The following LMBRD2 variants were observed in gnomAD, a reference collection of about 807,000 sequenced individuals.
LMBRD2 encodes the protein G protein-coupled receptor-associated protein LMBRD2.
Under a neutral mutation model 94.4 loss-of-function variants are expected in LMBRD2, and 55 were observed. The observed-to-expected ratio is 0.58, with a 90% CI of 0.47 to 0.73. The LOEUF (loss-of-function observed/expected upper bound fraction) is 0.73, where lower values mean the gene tolerates loss of function less well. LMBRD2 is among the 30% of genes least tolerant of loss of function. The pLI, the probability that LMBRD2 is intolerant of heterozygous loss-of-function variation, is 0.00. For synonymous variants in LMBRD2, 246 were observed against 272.4 expected, an observed-to-expected ratio of 0.90 and a Z score of 0.95; for missense variants, 640 against 831.9, an observed-to-expected ratio of 0.77 and a Z score of 2.84.
At chr5:36,112,191 TG>T (rs1425015053) in intron 13 of LMBRD2, among the ~76,000 whole-genome samples, 3 of 152,196 alleles carry the variant, frequency 2.0e-5, no homozygotes, top group Non-Finnish European at 4.4e-5. Flanking sequence ...CATATAAAAA[TG>T]TTTTTTATGC....
At chr5:36,118,012 A>G in intron 9 of LMBRD2, 96 bp from the exon 10 acceptor site, 1 of 985,734 alleles carries the variant, frequency 1.0e-6, no homozygotes, top group Non-Finnish European at 1.5e-6. Flanking sequence ...ATACTTAATT[A>G]CAAAGAGAAA....
chr5:36,138,729 T>G (rs1349296473), intron 4 of LMBRD2, among the ~76,000 whole-genome samples: 1 of 152,208 alleles, frequency 6.6e-6, no homozygotes, highest in African/African-American at 2.4e-5. Context: ...CTAAAAAAAT[T>G]TAGTTGTGAT....
At chr5:36,128,527 CCTGGGCAACATGGTGAAACCCTGT>C (rs1744060598) in intron 6 of LMBRD2, among the ~76,000 whole-genome samples, 1 of 151,988 alleles carries the variant, frequency 6.6e-6, no homozygotes, top group East Asian at 1.9e-4. Flanking sequence ...TTGAGAACAG[CCTGGGCAACATGGTGAAACCCTGT>C]CACTAGAAGA....
chr5:36,116,860 A>C (rs903566203), intron 10 of LMBRD2, among the ~76,000 whole-genome samples: 3 of 151,912 alleles, frequency 2.0e-5, no homozygotes, highest in African/African-American at 7.3e-5. Context: ...TATTTTTAGT[A>C]AGATGGGGTT....
intron 14 of LMBRD2, among the ~76,000 whole-genome samples, chr5:36,110,660 C>T (rs565296710): frequency 3.3e-4 from 50 of 152,118 alleles, no homozygotes; most frequent in African/African-American, 1.1e-3. Context: ...TCCCTCCATG[C>T]TATCATCACT....
chr5:36,149,731 A>AC (rs1744643514), intron 1 of LMBRD2, among the ~76,000 whole-genome samples: 1 of 151,990 alleles, frequency 6.6e-6, no homozygotes, highest in Non-Finnish European at 1.5e-5. Context: ...ACATGCAGAA[A>AC]CCCCGTCTCC....
At chr5:36,105,287 A>G (rs1382756308) in intron 16 of LMBRD2, 90 bp from the exon 17 acceptor site, 44 of 1,149,456 alleles carry the variant, frequency 3.8e-5, no homozygotes, top group Admixed American at 3.1e-4. Flanking sequence ...AAAAATCAAA[A>G]TTCCAAGGAA....
chr5:36,149,648 T>A (rs1181841457), intron 1 of LMBRD2, among the ~76,000 whole-genome samples: 1 of 152,256 alleles, frequency 6.6e-6, no homozygotes, highest in Non-Finnish European at 1.5e-5. Flanking sequence ...GGCTCACGCC[T>A]GTAATCTCAG....
rs536652223 is a variant in LMBRD2 at position 36,103,121 on chromosome 5, C to G, written c.*925G>C. On this transcript the variant is annotated 3_prime_UTR_variant, in exon 18 of 18. Transcript: ENST00000296603. ...TCAGTAATAACAGTAAATGGATTCA[C>G]TTTTTACCTTTGAATAACCAGTTTT... 6 of 152,228 alleles carry G rather than the reference C, an allele frequency of 3.9e-5. No individual in the cohort carries two copies. The South Asian group carries it at 1.2e-3, about 32-fold the overall frequency. The allele number at this position is 152,228 out of a possible 1,614,324, so 9.4% of individuals were successfully genotyped here.
chr5:36,116,485 C>T lies in LMBRD2; in HGVS notation c.1411G>A (p.Ala471Thr), dbSNP rs779339980. 2.5e-6 allele frequency: 4 copies of T among 1,613,114 alleles called. No homozygotes were observed. The Admixed American group carries it at 5.0e-5, about 20-fold the overall frequency. ...ATGCCACTGAAAAGAAGGCTATAAG[C>T]ATCAGTCTGGTGATGTGAGGCCAAA... ...YYLASHHQTD[A>T]YSLLFSGMLF... is the part of the protein sequence containing the mutation. Residue 471 changes from alanine (A) to threonine (T), a missense_variant, in exon 11 of 18, where the codon GCT becomes ACT. By Grantham distance (58) the Ala-to-Thr change is moderately conservative. Around this residue, in one of 2 missense-constraint regions of LMBRD2, gnomAD observed 457 missense variants for 642.8 expected, o/e 0.71. Transcript: ENST00000296603.
chr5:36,123,791 A>C (rs1382805761), intron 7 of LMBRD2, among the ~76,000 whole-genome samples: 1 of 151,186 alleles, frequency 6.6e-6, no homozygotes, highest in East Asian at 1.9e-4. Context: ...TTTATGATAT[A>C]TGTCATGAAT....
chr5:36,122,936 AT>A lies in LMBRD2; in HGVS notation c.847del (p.Met283TrpfsTer25). The A allele has an allele frequency of 2.6e-6, 4 of 1,556,674 alleles. No homozygotes were observed. The highest frequency in any genetic ancestry group is 2.1e-5 in the Admixed American group (1 of 47,134). ...KKCPTEYQEK[M>X]GRNMDDYEDF... ...TTCATAATCATCCATGTTCCTACCC[AT>A]TTTTTCCTGATACTCTGTAGGGCAC... On this transcript the variant is annotated frameshift_variant, in exon 8 of 18. Coordinates refer to ENST00000296603, the MANE Select transcript of LMBRD2 (RefSeq NM_001007527.2). LOFTEE classifies it high-confidence loss of function.
At chr5:36,134,752 C>T (rs915019444) in intron 6 of LMBRD2, among the ~76,000 whole-genome samples, 2 of 152,050 alleles carry the variant, frequency 1.3e-5, no homozygotes, top group African/African-American at 4.8e-5. Context: ...GAACTGTGAG[C>T]CAATATTTTC....
At chr5:36,144,112 C>CATTT (rs1744481547) in intron 1 of LMBRD2, among the ~76,000 whole-genome samples, 1 of 151,966 alleles carries the variant, frequency 6.6e-6, no homozygotes, top group Non-Finnish European at 1.5e-5. Context: ...TAAAGTCATA[C>CATTT]ATTTGAAAAC....
chr5:36,136,260 G>T, intron 6 of LMBRD2, 49 bp downstream of exon 6: 11 of 1,543,618 alleles, frequency 7.1e-6, no homozygotes, highest in Non-Finnish European at 9.9e-6. Flanking sequence ...ACTAAAAGGG[G>T]ATACATATGA....
At chr5:36,128,538 T>C (rs878868270) in intron 6 of LMBRD2, among the ~76,000 whole-genome samples, 1 of 152,040 alleles carries the variant, frequency 6.6e-6, no homozygotes, top group African/African-American at 2.4e-5. Context: ...CTGGGCAACA[T>C]GGTGAAACCC....
chr5:36,105,652 A>T (rs915142776), intron 16 of LMBRD2, among the ~76,000 whole-genome samples: 1 of 152,216 alleles, frequency 6.6e-6, no homozygotes, highest in Non-Finnish European at 1.5e-5. Flanking sequence ...ACTAGCCAAC[A>T]TCGGCACTAG....
chr5:36,133,339 G>A (rs1198772303), intron 6 of LMBRD2, among the ~76,000 whole-genome samples: 1 of 151,900 alleles, frequency 6.6e-6, no homozygotes, highest in Non-Finnish European at 1.5e-5. Flanking sequence ...TATTTACGGG[G>A]CTGGGAGGGG....
rs150159609 is a variant in LMBRD2 at position 36,109,963 on chromosome 5, T to C, written c.1773A>G (p.Glu591=). 3.7e-6 allele frequency: 6 copies of C among 1,607,380 alleles called. No individual in the cohort carries two copies. Among genetic ancestry groups the C allele is most frequent in the Non-Finnish European group, 5.1e-6 (6 of 1,174,892 alleles). The change falls in exon 15 of 18, where the codon GAA becomes GAG. Residue 591 remains glutamate, a synonymous_variant. Coordinates refer to ENST00000296603, the MANE Select transcript of LMBRD2 (RefSeq NM_001007527.2). ...TACTTACTCTTCTTCGATTTTCACC[T>C]TCTTCTTGCCTTTGCCTTTTTCTCT... is the stretch of plus-strand genomic sequence containing the variant. ...KEKRKRQRQE[E]GENRRREWKE... is the part of the protein sequence containing the mutation.
Sources: allele counts gnomAD v4.1 joint callset (sites outside exome capture counted in the v4.1 genomes callset), GRCh38; gene constraint gnomAD v4.1.1; regional missense constraint gnomAD v4.1.1; transcripts MANE v1.5; gene names NCBI Gene and HGNC (gene_info 2026-07-23, HGNC 2026-07-21).